The following FRMD6 variants were observed in gnomAD, a reference collection of about 807,000 sequenced individuals.
FRMD6 encodes FERM domain containing 6, also known as FERM domain-containing protein 6.
FRMD6 carries 37 observed loss-of-function variants against 73.2 expected under a neutral mutation model. That is an observed-to-expected ratio of 0.51 (90% CI 0.39 to 0.66). The LOEUF (loss-of-function observed/expected upper bound fraction) is 0.66, where lower values mean the gene tolerates loss of function less well. FRMD6 is among the 30% of genes least tolerant of loss of function. FRMD6 has a pLI of 0.00. For synonymous variants in FRMD6, 273 were observed against 282.2 expected, an observed-to-expected ratio of 0.97 and a Z score of 0.33; for missense variants, 714 against 780.5, an observed-to-expected ratio of 0.91 and a Z score of 1.02.
chr14:51,518,012 CAATT>C (rs1026550581), intron 1 of FRMD6, among the ~76,000 whole-genome samples: 4 of 152,100 alleles, frequency 2.6e-5, no homozygotes, highest in African/African-American at 9.7e-5. Flanking sequence ...AACATACAAA[CAATT>C]AAGGAAATTT....
At chr14:51,482,674 C>CTGTGTGTGTG in the FRMD6 span, among the ~76,000 whole-genome samples, 75,775 of 148,602 alleles carry the variant, frequency 0.51, 19,375 homozygotes, top group South Asian at 0.67. Context: ...TTTGCAGGAA[C>CTGTGTGTGTG]TGTGTGTGTG....
At position 51,712,462 on chromosome 14, in the gene FRMD6, A is replaced by T. The variant is rs371872954; in HGVS notation, c.781-21A>T. The T allele has an allele frequency of 3.5e-6, 5 of 1,420,134 alleles. No homozygotes were observed. In the South Asian group the frequency reaches 5.8e-5, roughly 17 times the overall value. 88.0% of individuals were successfully genotyped at this position (1,420,134 alleles called of 1,614,324 possible). A position where few individuals can be genotyped will look rare whatever the true frequency, so the allele number is the denominator to read the frequency against. ...ATCTATCATTTTTCCCATTAACTCC[A>T]TATGCATATTCTTTTCACAGAATTT... On this transcript the variant is annotated intron_variant, in intron 8 of 13. Transcript: ENST00000344768.
chr14:51,566,672 T>G (rs1017098396), intron 1 of FRMD6, among the ~76,000 whole-genome samples: 3 of 152,206 alleles, frequency 2.0e-5, no homozygotes, highest in African/African-American at 7.2e-5. Flanking sequence ...ACCCAATGTA[T>G]CCGGTTGGTG....
intron 1 of FRMD6, among the ~76,000 whole-genome samples, chr14:51,663,103 G>A (rs771540246): frequency 2.6e-5 from 4 of 152,120 alleles, no homozygotes; most frequent in African/African-American, 4.8e-5. Flanking sequence ...CTATTAAAAT[G>A]TTAAAAAAAT....
upstream of FRMD6, among the ~76,000 whole-genome samples, chr14:51,648,044 C>T (rs750547491): frequency 2.0e-5 from 3 of 152,126 alleles, no homozygotes; most frequent in Non-Finnish European, 4.4e-5. Flanking sequence ...AGGCTGGTCT[C>T]GAACTCCTGA....
At chr14:51,561,472 G>A (rs1215794326) in intron 1 of FRMD6, among the ~76,000 whole-genome samples, 6 of 152,232 alleles carry the variant, frequency 3.9e-5, no homozygotes, top group Non-Finnish European at 7.3e-5. Flanking sequence ...TGCTCAGGGA[G>A]CAGCCGGGGA....
the FRMD6 span, among the ~76,000 whole-genome samples, chr14:51,460,485 G>A: frequency 2.6e-5 from 4 of 152,082 alleles, no homozygotes; most frequent in Admixed American, 2.0e-4. Flanking sequence ...GACTCCCTCT[G>A]TGCATAAGTA....
chr14:51,431,411 C>T, the FRMD6 span, among the ~76,000 whole-genome samples: 1 of 152,256 alleles, frequency 6.6e-6, no homozygotes, highest in South Asian at 2.1e-4. Context: ...AAAAAGACTC[C>T]AGAAAAGTCA....
intron 1 of FRMD6, among the ~76,000 whole-genome samples, chr14:51,549,741 G>T (rs946876345): frequency 1.3e-5 from 2 of 151,642 alleles, no homozygotes; most frequent in Non-Finnish European, 2.9e-5. Context: ...GACTACAGGC[G>T]CCCGCCGCCT....
chr14:51,696,075 A>G (rs1895926530), intron 2 of FRMD6, among the ~76,000 whole-genome samples: 1 of 151,998 alleles, frequency 6.6e-6, no homozygotes, highest in Non-Finnish European at 1.5e-5. Flanking sequence ...AGAATGCCAT[A>G]TGTAATGCAT....
chr14:51,425,815 G>A, the FRMD6 span, among the ~76,000 whole-genome samples: 7 of 152,222 alleles, frequency 4.6e-5, no homozygotes, highest in East Asian at 1.4e-3. Flanking sequence ...AACTACACTT[G>A]TAATTGTTTC....
At chr14:51,569,394 A>G (rs1345479737) in intron 1 of FRMD6, among the ~76,000 whole-genome samples, 3 of 152,230 alleles carry the variant, frequency 2.0e-5, no homozygotes, top group Admixed American at 2.0e-4. Context: ...TTAGGCAAAC[A>G]ATACCAGGGT....
chr14:51,624,293 C>G (rs1891039261), intron 2 of FRMD6, among the ~76,000 whole-genome samples: 1 of 152,128 alleles, frequency 6.6e-6, no homozygotes, highest in Non-Finnish European at 1.5e-5. Flanking sequence ...AGCACATGTA[C>G]CCCTGAACTT....
At chr14:51,500,727 G>A (rs1217997808) in intron 1 of FRMD6, among the ~76,000 whole-genome samples, 1 of 152,122 alleles carries the variant, frequency 6.6e-6, no homozygotes, top group African/African-American at 2.4e-5. Flanking sequence ...GAAGGCCATA[G>A]AAGATTATAT....
At chr14:51,660,990 G>A (rs994664289) in intron 1 of FRMD6, among the ~76,000 whole-genome samples, 5 of 152,190 alleles carry the variant, frequency 3.3e-5, no homozygotes, top group African/African-American at 1.2e-4. Context: ...AGAAGGAGTA[G>A]TAGATAAGGT....
intron 9 of FRMD6, chr14:51,713,940 C>T (rs1291861024): frequency 6.6e-6 from 1 of 152,068 alleles, no homozygotes; most frequent in African/African-American, 2.4e-5. Flanking sequence ...TTGTTGCTTG[C>T]TGAATCTGTT....
chr14:51,400,773 G>A, the FRMD6 span, among the ~76,000 whole-genome samples: 8 of 152,204 alleles, frequency 5.3e-5, no homozygotes, highest in Non-Finnish European at 1.0e-4. Flanking sequence ...CACTCAGCAT[G>A]CTGGGGCATT....
chr14:51,492,645 A>T (rs898036324), intron 1 of FRMD6, among the ~76,000 whole-genome samples: 2 of 152,180 alleles, frequency 1.3e-5, no homozygotes, highest in African/African-American at 4.8e-5. Context: ...TTGAATTTTT[A>T]AAAAAAGAGA....
At chr14:51,440,835 G>A in the FRMD6 span, among the ~76,000 whole-genome samples, 43 of 152,306 alleles carry the variant, frequency 2.8e-4, no homozygotes, top group Non-Finnish European at 5.3e-4. Flanking sequence ...CAATCAAGAA[G>A]CTATTTATTA....
Sources: gnomAD v4.1 joint callset for allele counts (sites outside exome capture counted in the v4.1 genomes callset) on GRCh38, gnomAD v4.1.1 for gene constraint, MANE v1.5 for transcripts, NCBI Gene and HGNC (gene_info 2026-07-23, HGNC 2026-07-21) for gene names.